Variants in GPCPD1 observed in about 807,000 individuals in gnomAD.
GPCPD1 encodes glycerophosphocholine phosphodiesterase GPCPD1.
Under a neutral mutation model 89.2 loss-of-function variants are expected in GPCPD1, and 29 were observed. That is an observed-to-expected ratio of 0.33 (90% CI 0.24 to 0.44). The LOEUF is 0.44. Ranked by LOEUF, GPCPD1 falls within the 20% of genes least tolerant of loss-of-function variation. The pLI, the probability that GPCPD1 is intolerant of heterozygous loss-of-function variation, is 1.00. For missense variants in GPCPD1, 594 were observed against 808.9 expected (o/e 0.73, Z 3.22); for synonymous variants, 258 against 266.3 (o/e 0.97, Z 0.30).
At chr20:5,571,148 G>C (rs1986689773) in intron 11 of GPCPD1, among the ~76,000 whole-genome samples, 2 of 152,160 alleles carry the variant, frequency 1.3e-5, no homozygotes, top group African/African-American at 4.8e-5. Context: ...CTCAACTTGG[G>C]AATACACATG....
intron 1 of GPCPD1, among the ~76,000 whole-genome samples, chr20:5,606,673 G>C (rs1980607591): frequency 6.6e-6 from 1 of 152,116 alleles, no homozygotes; most frequent in African/African-American, 2.4e-5. Context: ...AGGCCCTGCT[G>C]AACACCATAC....
rs373617824 is a variant in GPCPD1 at position 5,579,990 on chromosome 20, A to C, written c.473+18T>G. The C allele has an allele frequency of 2.9e-5, 44 of 1,496,944 alleles. No individual in the cohort carries two copies. The African/African-American group carries it at 5.6e-4, about 19-fold the overall frequency. The allele number at this position is 1,496,944 out of a possible 1,614,324, so 92.7% of individuals were successfully genotyped here. A position where few individuals can be genotyped will look rare whatever the true frequency, so the allele number is the denominator to read the frequency against. Reference sequence around the variant, plus strand: ...AGTGAAAACAAATAGCCTAAGTAACACATAAACATGGTCATACCTAAATCT... The same window carrying C: ...AGTGAAAACAAATAGCCTAAGTAACCCATAAACATGGTCATACCTAAATCT... On this transcript the variant is annotated intron_variant, in intron 7 of 19. Coordinates refer to ENST00000379019, the MANE Select transcript of GPCPD1 (RefSeq NM_019593.5).
chr20:5,555,550 A>G (rs1985713151), intron 19 of GPCPD1, among the ~76,000 whole-genome samples: 1 of 151,886 alleles, frequency 6.6e-6, no homozygotes, highest in South Asian at 2.1e-4. Flanking sequence ...AAAAAATAAT[A>G]ATAAAATAAA....
At chr20:5,569,145 T>C (rs879792540) in intron 12 of GPCPD1, among the ~76,000 whole-genome samples, 1 of 150,056 alleles carries the variant, frequency 6.7e-6, no homozygotes, top group Non-Finnish European at 1.5e-5. Flanking sequence ...TTTCTCCTAA[T>C]ACCATTTCGC....
At chr20:5,569,430 T>C (rs1986581512) in intron 12 of GPCPD1, among the ~76,000 whole-genome samples, 1 of 152,080 alleles carries the variant, frequency 6.6e-6, no homozygotes, top group African/African-American at 2.4e-5. Flanking sequence ...ATCATTATCA[T>C]GATTATGTTT....
intron 15 of GPCPD1, among the ~76,000 whole-genome samples, chr20:5,561,817 C>T (rs1055249254): frequency 1.3e-5 from 2 of 152,182 alleles, no homozygotes; most frequent in Non-Finnish European, 2.9e-5. Flanking sequence ...AAATCCTTTT[C>T]GCCATTACTA....
rs11479995 is a variant in GPCPD1 at position 5,581,814 on chromosome 20, C to CTTTTTTT, written c.350-1690_350-1684dup. Reference sequence around the variant, plus strand: ...ATGCTTAATAATTGTGGGACTTTAACTTTTTTTTTTTTTTTTTTTTTTTTT... The same window carrying CTTTTTTT: ...ATGCTTAATAATTGTGGGACTTTAACTTTTTTTTTTTTTTTTTTTTTTTTTTTTTTTT... On this transcript the variant is annotated intron_variant, in intron 6 of 19. Transcript: ENST00000379019. Among the ~76,000 whole-genome samples, 124 of 75,022 alleles carry CTTTTTTT rather than the reference C, an allele frequency of 1.7e-3. 16 individuals carry two copies. Among genetic ancestry groups the CTTTTTTT allele is most frequent in the African/African-American group, 7.2e-3 (94 of 13,082 alleles). 49.2% of individuals were successfully genotyped at this position (75,022 alleles called of 152,430 possible). A position where few individuals can be genotyped will look rare whatever the true frequency, so the allele number is the denominator to read the frequency against.
chr20:5,606,186 C>A (rs925661529), intron 1 of GPCPD1, among the ~76,000 whole-genome samples: 1 of 152,094 alleles, frequency 6.6e-6, no homozygotes, highest in Non-Finnish European at 1.5e-5. Context: ...CACACATGTA[C>A]ATATAATATA....
intron 13 of GPCPD1, 39 bp from the exon 14 acceptor site, chr20:5,566,811 C>G (rs117805765): frequency 0.034 from 47,181 of 1,376,496 alleles, 1,098 homozygotes; most frequent in Non-Finnish European, 0.041. Flanking sequence ...AGAAAGGAAG[C>G]CTTAGCTTAT....
chr20:5,559,094 G>A (rs540711856), intron 17 of GPCPD1, among the ~76,000 whole-genome samples: 1 of 151,960 alleles, frequency 6.6e-6, no homozygotes, highest in Non-Finnish European at 1.5e-5. Context: ...CCCAGCTACC[G>A]AGGAGGCTGG....
intron 19 of GPCPD1, chr20:5,548,828 G>T (rs956062039): frequency 2.9e-6 from 2 of 696,698 alleles, no homozygotes; most frequent in African/African-American, 3.7e-5. Flanking sequence ...GCAGATCGAT[G>T]TAAGACGGCG....
intron 11 of GPCPD1, 126 bp downstream of exon 11, chr20:5,573,789 T>A: frequency 1.3e-6 from 1 of 750,642 alleles, no homozygotes; most frequent in Non-Finnish European, 2.4e-6. Flanking sequence ...TTCATTCCGA[T>A]CTTCACCATG....
In GPCPD1 at chr20:5,593,323, A is replaced by T; in HGVS notation, c.231+4T>A. 3 of 1,445,176 alleles carry T rather than the reference A, an allele frequency of 2.1e-6. No homozygotes were observed. The highest frequency in any genetic ancestry group is 1.9e-6 in the Non-Finnish European group (2 of 1,027,124). The allele number at this position is 1,445,176 out of a possible 1,614,324, so 89.5% of individuals were successfully genotyped here. A position where few individuals can be genotyped will look rare whatever the true frequency, so the allele number is the denominator to read the frequency against. ...GAATTGGAAACTAGATAAAGAAAAC[A>T]TACCTTTGGTTCTAAAAAGTACCCT... is the stretch of plus-strand genomic sequence containing the variant. On this transcript the variant is annotated splice_donor_region_variant and intron_variant, in intron 4 of 19. Coordinates refer to ENST00000379019, the MANE Select transcript of GPCPD1 (RefSeq NM_019593.5).
At chr20:5,551,204 G>GT in intron 19 of GPCPD1, among the ~76,000 whole-genome samples, 1 of 152,324 alleles carries the variant, frequency 6.6e-6, no homozygotes, top group East Asian at 1.9e-4. Flanking sequence ...ACAGGCAGAT[G>GT]TGCTGAGCTA....
At chr20:5,588,540 A>C (rs1015161737) in intron 4 of GPCPD1, among the ~76,000 whole-genome samples, 1 of 151,320 alleles carries the variant, frequency 6.6e-6, no homozygotes, top group Admixed American at 6.6e-5. Flanking sequence ...AAAAATAGAA[A>C]CAGCCTGGGC....
chr20:5,565,859 CTA>C (rs1491115010), intron 14 of GPCPD1, among the ~76,000 whole-genome samples: 1 of 151,528 alleles, frequency 6.6e-6, no homozygotes, highest in Non-Finnish European at 1.5e-5. Context: ...TCAATATAGA[CTA>C]AAAAAAAGAA....
intron 3 of GPCPD1, among the ~76,000 whole-genome samples, chr20:5,594,061 A>G (rs1979524835): frequency 6.6e-6 from 1 of 152,240 alleles, no homozygotes; most frequent in African/African-American, 2.4e-5. Flanking sequence ...AACAGAAACT[A>G]AAGATTTGAC....
At chr20:5,554,708 G>T (rs978493921) in intron 19 of GPCPD1, among the ~76,000 whole-genome samples, 1 of 152,154 alleles carries the variant, frequency 6.6e-6, no homozygotes, top group African/African-American at 2.4e-5. Context: ...AATCCATTCT[G>T]CAGCCCATGG....
At chr20:5,591,399 T>C (rs973167305) in intron 4 of GPCPD1, among the ~76,000 whole-genome samples, 1 of 152,230 alleles carries the variant, frequency 6.6e-6, no homozygotes, top group Non-Finnish European at 1.5e-5. Context: ...TCAAACCTTT[T>C]GTTTTATAGA....
Sources: allele counts gnomAD v4.1 joint callset (sites outside exome capture counted in the v4.1 genomes callset), GRCh38; gene constraint gnomAD v4.1.1; transcripts MANE v1.5; gene names NCBI Gene and HGNC (gene_info 2026-07-23, HGNC 2026-07-21).